The following LRRC4C variants were observed in gnomAD, a reference collection of about 807,000 sequenced individuals.
LRRC4C encodes leucine-rich repeat-containing protein 4C.
Under a neutral mutation model 33.6 loss-of-function variants are expected in LRRC4C, and 5 were observed. The observed-to-expected ratio is 0.15, with a 90% CI of 0.08 to 0.31. The LOEUF (loss-of-function observed/expected upper bound fraction) is 0.31. Ranked by LOEUF, LRRC4C falls within the 10% of genes least tolerant of loss-of-function variation. LRRC4C has a pLI of 1.00. For missense variants in LRRC4C, 560 were observed against 796.7 expected, an observed-to-expected ratio of 0.70 and a Z score of 3.58; for synonymous variants, 329 against 302.0, an observed-to-expected ratio of 1.09 and a Z score of -0.93.
intron 2 of LRRC4C, among the ~76,000 whole-genome samples, chr11:40,760,965 C>G (rs2137070526): frequency 6.6e-6 from 1 of 150,498 alleles, no homozygotes; most frequent in East Asian, 2.0e-4. Flanking sequence ...AGCAATCCAC[C>G]CATCTTGGCC....
chr11:41,413,298 C>A, intron 1 of LRRC4C, among the ~76,000 whole-genome samples: 1 of 152,136 alleles, frequency 6.6e-6, no homozygotes, highest in Non-Finnish European at 1.5e-5. Flanking sequence ...CTCACTGAAA[C>A]CACCATGTGG....
intron 3 of LRRC4C, among the ~76,000 whole-genome samples, chr11:40,640,910 G>A (rs530296293): frequency 1.3e-5 from 2 of 151,376 alleles, no homozygotes; most frequent in Non-Finnish European, 1.5e-5. Context: ...CAGCTACTCC[G>A]GAGGCTGAGG....
intron 3 of LRRC4C, among the ~76,000 whole-genome samples, chr11:40,536,809 C>G (rs1051809600): frequency 6.6e-6 from 1 of 152,056 alleles, no homozygotes; most frequent in Non-Finnish European, 1.5e-5. Flanking sequence ...CTAAATTTCT[C>G]CCTTCTTTTC....
intron 1 of LRRC4C, among the ~76,000 whole-genome samples, chr11:41,202,348 C>CAT (rs1362059790): frequency 2.6e-5 from 4 of 152,124 alleles, no homozygotes; most frequent in African/African-American, 9.7e-5. Flanking sequence ...AATAGCAGCT[C>CAT]ATCAATTTAA....
intron 3 of LRRC4C, among the ~76,000 whole-genome samples, chr11:40,518,666 T>C (rs1955673922): frequency 6.6e-6 from 1 of 152,144 alleles, no homozygotes; most frequent in South Asian, 2.1e-4. Flanking sequence ...TGTAAATTAG[T>C]TCAACCATTG....
intron 1 of LRRC4C, among the ~76,000 whole-genome samples, chr11:41,286,108 C>T (rs1565548429): frequency 1.3e-5 from 2 of 152,228 alleles, no homozygotes; most frequent in South Asian, 2.1e-4. Flanking sequence ...GGATTACAGG[C>T]GTGAGCCACC....
chr11:40,184,802 A>C (rs1861280447), intron 5 of LRRC4C, among the ~76,000 whole-genome samples: 1 of 152,190 alleles, frequency 6.6e-6, no homozygotes, highest in Non-Finnish European at 1.5e-5. Context: ...AGAATCTTGA[A>C]TTAGAATAAA....
chr11:41,000,966 T>A (rs1050525343), intron 1 of LRRC4C, among the ~76,000 whole-genome samples: 3 of 152,182 alleles, frequency 2.0e-5, no homozygotes, highest in South Asian at 4.1e-4. Context: ...TGCCAAGGAC[T>A]GTGCTAAAAG....
At chr11:40,665,841 C>G (rs1030733420) in intron 2 of LRRC4C, among the ~76,000 whole-genome samples, 1 of 151,968 alleles carries the variant, frequency 6.6e-6, no homozygotes, top group African/African-American at 2.4e-5. Flanking sequence ...TTTAGCAAGT[C>G]TTTACCCACA....
intron 1 of LRRC4C, among the ~76,000 whole-genome samples, chr11:41,429,196 C>T (rs891978723): frequency 6.6e-6 from 1 of 152,056 alleles, no homozygotes; most frequent in Non-Finnish European, 1.5e-5. Context: ...TCCTTGCAGC[C>T]ACCATGTGAA....
At chr11:40,309,337 C>T (rs1945190852) in intron 4 of LRRC4C, among the ~76,000 whole-genome samples, 1 of 152,160 alleles carries the variant, frequency 6.6e-6, no homozygotes, top group Non-Finnish European at 1.5e-5. Context: ...TGGCTTCTCT[C>T]ACTCAGCATA....
At chr11:41,290,419 A>T (rs2958858) in intron 1 of LRRC4C, among the ~76,000 whole-genome samples, 117,884 of 152,042 alleles carry the variant, frequency 0.78, 46,740 homozygotes, top group Admixed American at 0.86. Context: ...ATAGGCTACA[A>T]ATACGTGTTG....
intron 1 of LRRC4C, among the ~76,000 whole-genome samples, chr11:41,301,402 G>T (rs1950284424): frequency 6.6e-6 from 1 of 152,272 alleles, no homozygotes; most frequent in African/African-American, 2.4e-5. Context: ...ATTGATGGGG[G>T]TGGGAAAAAC....
At chr11:40,619,504 A>G (rs1415958487) in intron 3 of LRRC4C, among the ~76,000 whole-genome samples, 1 of 151,776 alleles carries the variant, frequency 6.6e-6, no homozygotes, top group Non-Finnish European at 1.5e-5. Flanking sequence ...TGACTGCTCT[A>G]CAAAACTACC....
intron 2 of LRRC4C, among the ~76,000 whole-genome samples, chr11:40,903,127 A>G (rs889391877): frequency 6.6e-6 from 1 of 152,154 alleles, no homozygotes. Context: ...GGGCTAATGC[A>G]GCTGGTGTCT....
chr11:40,993,261 T>C (rs571631564), intron 1 of LRRC4C, among the ~76,000 whole-genome samples: 2 of 152,228 alleles, frequency 1.3e-5, no homozygotes, highest in African/African-American at 4.8e-5. Flanking sequence ...CTGTGCAATA[T>C]TGGGCACATA....
intron 1 of LRRC4C, among the ~76,000 whole-genome samples, chr11:41,075,371 G>A (rs1316950935): frequency 6.6e-6 from 1 of 152,060 alleles, no homozygotes; most frequent in Non-Finnish European, 1.5e-5. Context: ...AATAATATAT[G>A]CAAGTTGCTA....
intron 3 of LRRC4C, among the ~76,000 whole-genome samples, chr11:40,565,953 T>C (rs1208240579): frequency 1.3e-5 from 2 of 152,020 alleles, no homozygotes; most frequent in African/African-American, 4.8e-5. Context: ...ACATGAAATG[T>C]CCTCCAGTTC....
intron 1 of LRRC4C, among the ~76,000 whole-genome samples, chr11:41,073,047 A>G (rs1938828021): frequency 6.6e-6 from 1 of 152,192 alleles, no homozygotes; most frequent in Non-Finnish European, 1.5e-5. Context: ...AATCTGACAA[A>G]GATAAAATTT....
Sources: allele counts gnomAD v4.1 joint callset (sites outside exome capture counted in the v4.1 genomes callset), GRCh38; gene constraint gnomAD v4.1.1; transcripts MANE v1.5; gene names NCBI Gene and HGNC (gene_info 2026-07-23, HGNC 2026-07-21).